Variants in AKAP9 observed in about 807,000 individuals in gnomAD.
AKAP9 encodes A-kinase anchoring protein 9, also known as A-kinase anchor protein 9.
AKAP9 carries 311 observed loss-of-function variants against 488.5 expected under a neutral mutation model. The ratio of observed to expected loss-of-function variants is 0.64; its 90% CI spans 0.58 to 0.70. The LOEUF is 0.70. Ranked by LOEUF, AKAP9 falls within the 30% of genes least tolerant of loss-of-function variation. AKAP9 has a pLI of 0.00. For missense variants in AKAP9, 4,215 were observed against 4,374.5 expected (o/e 0.96, Z 1.03); for synonymous variants, 1,462 against 1,483.5 (o/e 0.99, Z 0.33).
chr7:92,083,371 A>G lies in AKAP9; in HGVS notation c.8362A>G (p.Ile2788Val). The change falls in exon 33 of 50, where the codon ATC becomes GTC. Residue 2788 changes from isoleucine to valine, a missense_variant. Ile to Val is a conservative substitution (Grantham distance 29, BLOSUM62 3). Transcript: ENST00000356239. The part of the protein sequence containing the change: ...IASQTDGTLK[I>V]SSSNQTPQIL... ...ATCCCAGACAGATGGGACTCTGAAG[A>G]TCAGTAGCAGCAATCAGACTCCACA... 1 of 1,614,046 alleles carries G rather than the reference A, an allele frequency of 6.2e-7. No individual in the cohort carries two copies. Among genetic ancestry groups the G allele is most frequent in the South Asian group, 1.1e-5 (1 of 91,088 alleles).
Position 92,040,753 on chromosome 7 carries a change from G to A in AKAP9, c.4772G>A (p.Arg1591Lys). ...AATGAAGAACAGTTGGAAGATATGA[G>A]ACAGGAACTTGTACGACAATACCAA... ...MLNEEQLEDM[R>K]QELVRQYQEH... Residue 1591 changes from arginine to lysine, a missense_variant, in exon 18 of 50, where the codon AGA becomes AAA. Transcript: ENST00000356239. 1 of 1,612,904 alleles carries A rather than the reference G, an allele frequency of 6.2e-7. No homozygotes were observed. The highest frequency in any genetic ancestry group is 8.5e-7 in the Non-Finnish European group (1 of 1,179,820).
In AKAP9 at chr7:92,097,693, T is replaced by C. The variant is rs771923922; in HGVS notation, c.10506T>C (p.Asn3502=). ...ACTACGCTAAATTGATTGAAATGAA[T>C]GGAGGAGGAACCGGCTGTAATCATG... ...ESNYAKLIEM[N]GGGTGCNHEL... The change falls in exon 42 of 50, where the codon AAT becomes AAC. Residue 3502 remains asparagine, a synonymous_variant. Coordinates refer to ENST00000356239, the MANE Select transcript of AKAP9 (RefSeq NM_005751.5). 6.2e-7 allele frequency: 1 copy of C among 1,614,130 alleles called. No homozygotes were observed. The highest frequency in any genetic ancestry group is 8.5e-7 in the Non-Finnish European group (1 of 1,180,006).
chr7:92,065,354 T>G lies in AKAP9; in HGVS notation c.6101T>G (p.Val2034Gly). The change falls in exon 25 of 50, where the codon GTC becomes GGC. Residue 2034 changes from valine to glycine, a missense_variant. Transcript: ENST00000356239. The stretch of plus-strand genomic sequence containing the variant: ...CTAGAAATAGATGTGGAAGAACAAG[T>G]CAGTAGGTTTATAGAGCTGGAACAA... ...KALEIDVEEQ[V>G]SRFIELEQEK... 6.2e-7 allele frequency: 1 copy of G among 1,613,106 alleles called. No homozygotes were observed. The highest frequency in any genetic ancestry group is 8.5e-7 in the Non-Finnish European group (1 of 1,179,464).
At position 92,038,674 on chromosome 7, in the gene AKAP9, A is replaced by G. The variant is rs368059326; in HGVS notation, c.4594A>G (p.Asn1532Asp). ...ACATGGAAAGGAAATTTTATTATCA[A>G]ATAGTGATCCCCATGATATACCAGA... ...GEHGKEILLS[N>D]SDPHDIPESK... is the part of the protein sequence containing the mutation. The change falls in exon 17 of 50, where the codon AAT becomes GAT. Residue 1532 changes from asparagine to aspartate, a missense_variant. Around this residue, in one of 5 missense-constraint regions of AKAP9, gnomAD observed 2,361 missense variants for 2,430.0 expected, o/e 0.97. Coordinates refer to ENST00000356239, the MANE Select transcript of AKAP9 (RefSeq NM_005751.5). 10 of 1,610,072 alleles carry G rather than the reference A, an allele frequency of 6.2e-6. No individual in the cohort carries two copies. The African/African-American group carries it at 1.3e-4, about 22-fold the overall frequency.
At chr7:92,019,038 A>G (rs968313333) in intron 12 of AKAP9, among the ~76,000 whole-genome samples, 2 of 152,228 alleles carry the variant, frequency 1.3e-5, no homozygotes, top group African/African-American at 2.4e-5. Flanking sequence ...GTCTTCTACC[A>G]TACTGAAATA....
intron 8 of AKAP9, among the ~76,000 whole-genome samples, chr7:92,010,694 G>A (rs1221542960): frequency 5.9e-5 from 9 of 151,946 alleles, no homozygotes. Context: ...TTTTACTCTT[G>A]CCAGGCTGGA....
intron 22 of AKAP9, among the ~76,000 whole-genome samples, chr7:92,054,843 A>G (rs530475411): frequency 2.4e-4 from 36 of 151,982 alleles, no homozygotes; most frequent in Non-Finnish European, 4.3e-4. Flanking sequence ...AGTATGAAAA[A>G]GAATGCTTAA....
chr7:92,008,219 T>C (rs1295136808), intron 8 of AKAP9, among the ~76,000 whole-genome samples: 2 of 151,194 alleles, frequency 1.3e-5, no homozygotes, highest in Non-Finnish European at 1.5e-5. Flanking sequence ...AATAAAAAAT[T>C]AGCCGGGCAT....
At chr7:92,007,498 T>G (rs185203607) in intron 8 of AKAP9, among the ~76,000 whole-genome samples, 2 of 152,144 alleles carry the variant, frequency 1.3e-5, no homozygotes, top group Non-Finnish European at 2.9e-5. Flanking sequence ...GTGATTTATA[T>G]CTTTAATGTA....
At chr7:92,066,645 G>T in intron 26 of AKAP9, 99 bp downstream of exon 26, 1 of 1,437,052 alleles carries the variant, frequency 7.0e-7, no homozygotes, top group Non-Finnish European at 9.7e-7. Flanking sequence ...TCTTTCCTTT[G>T]TATGTAAATC....
intron 20 of AKAP9, among the ~76,000 whole-genome samples, chr7:92,043,586 A>G (rs1184508843): frequency 6.6e-6 from 1 of 152,080 alleles, no homozygotes; most frequent in Non-Finnish European, 1.5e-5. Context: ...ACATTATTCT[A>G]GTTCTGGGGT....
At chr7:91,958,990 C>G (rs930234894) in intron 1 of AKAP9, among the ~76,000 whole-genome samples, 5 of 151,830 alleles carry the variant, frequency 3.3e-5, no homozygotes, top group Admixed American at 2.6e-4. Flanking sequence ...GCTCAAGTGA[C>G]CCTCCCACCT....
chr7:92,014,569 C>T (rs1404645731), intron 10 of AKAP9, among the ~76,000 whole-genome samples: 2 of 152,104 alleles, frequency 1.3e-5, no homozygotes, highest in Non-Finnish European at 2.9e-5. Flanking sequence ...GCAGAGGTTG[C>T]AGTGAGTGGA....
chr7:92,097,482 T>A, intron 41 of AKAP9, 104 bp from the exon 42 acceptor site: 1 of 1,499,848 alleles, frequency 6.7e-7, no homozygotes, highest in Non-Finnish European at 9.1e-7. Flanking sequence ...ATGAAATCTA[T>A]AGAAGTTTAT....
intron 44 of AKAP9, among the ~76,000 whole-genome samples, chr7:92,100,313 T>G (rs1391226403): frequency 6.6e-6 from 1 of 152,238 alleles, no homozygotes; most frequent in Non-Finnish European, 1.5e-5. Flanking sequence ...AAATTACGTC[T>G]TTCAGTCTGA....
chr7:92,030,037 TTTTTC>T (rs1306146587), intron 15 of AKAP9, 46 bp downstream of exon 15: 1 of 1,273,698 alleles, frequency 7.9e-7, no homozygotes, highest in East Asian at 2.5e-5. Context: ...TATACACTGA[TTTTTC>T]TATCATTTTT....
In AKAP9 at chr7:92,079,327, G is replaced by A. The variant is rs1404610701; in HGVS notation, c.7194G>A (p.Leu2398=). ...TGGTTATAGCTGAAAAGCTGGCCTT[G>A]GAACAGCAAGTAGAAACCGCTAATG... The part of the protein sequence containing the change: ...LDVVIAEKLA[L]EQQVETANEE... The change falls in exon 31 of 50, where the codon TTG becomes TTA. Residue 2398 remains leucine (L), a synonymous_variant. Transcript: ENST00000356239. The A allele has an allele frequency of 1.9e-6, 3 of 1,613,972 alleles. No individual in the cohort carries two copies. The highest frequency in any genetic ancestry group is 1.3e-5 in the African/African-American group (1 of 75,032).
In AKAP9 at chr7:92,062,340, T is replaced by G. The variant is rs776612633; in HGVS notation, c.5831T>G (p.Ile1944Arg). The change falls in exon 24 of 50, where the codon ATA becomes AGA. Residue 1944 changes from isoleucine to arginine, a missense_variant. Physicochemically the swap from Ile to Arg is moderately conservative, Grantham distance 97. Around this residue, in one of 5 missense-constraint regions of AKAP9, gnomAD observed 2,361 missense variants for 2,430.0 expected, o/e 0.97. Coordinates refer to ENST00000356239, the MANE Select transcript of AKAP9 (RefSeq NM_005751.5). ...FERQIQEKTD[I>R]IDRLEQELLC... ...AGGCAAATTCAGGAAAAAACTGATATAATAGATCGTCTTGAGCAGGAGTTG... is the reference window on the plus strand; with the variant it reads ...AGGCAAATTCAGGAAAAAACTGATAGAATAGATCGTCTTGAGCAGGAGTTG... The G allele has an allele frequency of 2.5e-6, 4 of 1,613,898 alleles. No homozygotes were observed. Among genetic ancestry groups the G allele is most frequent in the East Asian group, 4.5e-5 (2 of 44,862 alleles).
chr7:92,082,961 A>T (rs1262037996), intron 32 of AKAP9, among the ~76,000 whole-genome samples: 1 of 152,186 alleles, frequency 6.6e-6, no homozygotes, highest in Non-Finnish European at 1.5e-5. Flanking sequence ...AGCTAATAAA[A>T]TTATTTCATT....
Sources: gnomAD v4.1 joint callset for allele counts (sites outside exome capture counted in the v4.1 genomes callset) on GRCh38, gnomAD v4.1.1 for gene constraint, gnomAD v4.1.1 regional missense constraint, MANE v1.5 for transcripts, NCBI Gene and HGNC (gene_info 2026-07-23, HGNC 2026-07-21) for gene names.